The following COL9A1 variants were observed in gnomAD, a reference collection of about 807,000 sequenced individuals.
COL9A1 encodes collagen type IX alpha 1 chain.
A neutral mutation model predicts 142.6 loss-of-function variants in COL9A1; 104 were observed. The ratio of observed to expected loss-of-function variants is 0.73; its 90% CI spans 0.62 to 0.86. COL9A1 has a LOEUF of 0.86. Ranked by LOEUF, COL9A1 falls within the 40% of genes least tolerant of loss-of-function variation. COL9A1 has a pLI of 0.00. For synonymous variants in COL9A1, 466 were observed against 396.0 expected (o/e 1.18, Z -2.10); for missense variants, 1,210 against 1,176.6 (o/e 1.03, Z -0.42).
rs11753777 is a variant in COL9A1 at position 70,234,729 on chromosome 6, G to T, written c.2259+65C>A. 40 of 1,608,662 alleles carry T rather than the reference G, an allele frequency of 2.5e-5. No homozygotes were observed. The South Asian group carries it at 4.0e-4, about 16-fold the overall frequency. ...GAACTTGTTGAGAAGCTGATGCCTAGAACAGCCCTGCTGCTGTGGGATGGA... is the reference window on the plus strand; with the variant it reads ...GAACTTGTTGAGAAGCTGATGCCTATAACAGCCCTGCTGCTGTGGGATGGA... On this transcript the variant is annotated intron_variant, in intron 34 of 37. Coordinates refer to ENST00000357250, the MANE Select transcript of COL9A1 (RefSeq NM_001851.6).
At chr6:70,270,116 C>A (rs909483800) in intron 15 of COL9A1, among the ~76,000 whole-genome samples, 198 bp downstream of exon 15, 3 of 152,152 alleles carry the variant, frequency 2.0e-5, no homozygotes, top group Admixed American at 1.3e-4. Flanking sequence ...CCTATAAAAA[C>A]CACCTTTTAA....
downstream of COL9A1, chr6:70,215,937 ACATACG>A (rs1768475510): frequency 6.6e-6 from 1 of 151,980 alleles, no homozygotes; most frequent in African/African-American, 2.4e-5. Flanking sequence ...ACACACACAC[ACATACG>A]CATCTGTCAC....
chr6:70,227,629 G>T (rs1014577589), intron 36 of COL9A1, among the ~76,000 whole-genome samples: 3 of 151,926 alleles, frequency 2.0e-5, no homozygotes, highest in Non-Finnish European at 4.4e-5. Flanking sequence ...CTACTTCTAG[G>T]AATTTATCAT....
chr6:70,246,219 G>A (rs181316756), intron 28 of COL9A1: 31 of 152,192 alleles, frequency 2.0e-4, no homozygotes, highest in Non-Finnish European at 4.0e-4. Flanking sequence ...AATTAGCTAG[G>A]CATCATGGCG....
chr6:70,280,623 C>G lies in COL9A1; in HGVS notation c.975+189G>C. ...GCCTCCTAGAGAGAGGTATCCTCAC[C>G]TTCACAAGTCCTTTTGCAAAAGCTG... On this transcript the variant is annotated intron_variant, in intron 10 of 37. Transcript: ENST00000357250. 7.7e-6 allele frequency: 10 copies of G among 1,295,814 alleles called. No individual in the cohort carries two copies. In the South Asian group the frequency reaches 1.2e-4, roughly 16 times the overall value. 80.3% of individuals were successfully genotyped at this position (1,295,814 alleles called of 1,614,324 possible). A position where few individuals can be genotyped will look rare whatever the true frequency, so the allele number is the denominator to read the frequency against.
intron 2 of COL9A1, among the ~76,000 whole-genome samples, chr6:70,301,507 G>A (rs1159593112): frequency 1.3e-5 from 2 of 152,328 alleles, no homozygotes; most frequent in African/African-American, 4.8e-5. Context: ...AACCTGGGAG[G>A]CGGAGGTTGC....
chr6:70,252,028 C>G, intron 28 of COL9A1, 92 bp downstream of exon 28: 2 of 1,294,950 alleles, frequency 1.5e-6, no homozygotes, highest in South Asian at 2.4e-5. Context: ...AAACATCAGA[C>G]AGCATTCATG....
At chr6:70,243,717 CG>C (rs1770417216) in intron 28 of COL9A1, among the ~76,000 whole-genome samples, 1 of 151,932 alleles carries the variant, frequency 6.6e-6, no homozygotes, top group African/African-American at 2.4e-5. Context: ...TAGTAGAGAC[CG>C]GGTTTCGCCA....
chr6:70,281,336 G>T, intron 8 of COL9A1, 54 bp downstream of exon 8: 1 of 1,544,114 alleles, frequency 6.5e-7, no homozygotes, highest in Non-Finnish European at 8.9e-7. Context: ...CCTGGGAAAA[G>T]AATAGGAAAG....
In COL9A1 at chr6:70,271,676, C is replaced by A. The variant is rs745911680; in HGVS notation, c.1122G>T (p.Glu374Asp). The A allele has an allele frequency of 1.2e-6, 2 of 1,613,958 alleles. No individual in the cohort carries two copies. Among genetic ancestry groups the A allele is most frequent in the Non-Finnish European group, 8.5e-7 (1 of 1,179,852 alleles). Residue 374 changes from glutamate to aspartate, a missense_variant, in exon 14 of 38, where the codon GAG (glutamate) becomes GAT (aspartate). Glu to Asp is a conservative substitution (Grantham distance 45). Coordinates refer to ENST00000357250, the MANE Select transcript of COL9A1 (RefSeq NM_001851.6). Reference sequence around the variant, plus strand: ...TCACAACAGGTCCTACACGGCCAAGCTCTCCAGGGAGTCCTGCTGTCCCAG... The same window carrying A: ...TCACAACAGGTCCTACACGGCCAAGATCTCCAGGGAGTCCTGCTGTCCCAG... The part of the protein sequence containing the change: ...GPPGTAGLPG[E>D]LGRVGPVGDP...
In COL9A1 at chr6:70,300,304, C is replaced by T. The variant is rs544432669; in HGVS notation, c.166+5G>A. The T allele has an allele frequency of 3.0e-5, 48 of 1,612,352 alleles. No individual in the cohort carries two copies. In the East Asian group the frequency reaches 7.8e-4, roughly 26 times the overall value. On this transcript the variant is annotated splice_donor_5th_base_variant and intron_variant, in intron 3 of 37. Coordinates refer to ENST00000357250, the MANE Select transcript of COL9A1 (RefSeq NM_001851.6). ...GCATTTTCAATAGGGTACATTGCTA[C>T]TCACCTGGTAAGTCATCTTGGCCAA...
At chr6:70,300,977 G>A (rs896067372) in intron 2 of COL9A1, among the ~76,000 whole-genome samples, 1 of 152,010 alleles carries the variant, frequency 6.6e-6, no homozygotes, top group African/African-American at 2.4e-5. Flanking sequence ...AAAATATAGA[G>A]GATGGATTTG....
chr6:70,260,844 A>G lies in COL9A1; in HGVS notation c.1396-134T>C, dbSNP rs965347757. The G allele has an allele frequency of 1.1e-4, 80 of 717,248 alleles. 3 individuals are homozygous for G. The highest frequency in any genetic ancestry group is 7.2e-5 in the South Asian group (4 of 55,436). The allele number at this position is 717,248 out of a possible 1,614,324, so 44.4% of individuals were successfully genotyped here. ...ATACCAAGAAATAGTAACTATATATATATAGACAAACATTTCTAGTTTAGA... is the reference window on the plus strand; with the variant it reads ...ATACCAAGAAATAGTAACTATATATGTATAGACAAACATTTCTAGTTTAGA... On this transcript the variant is annotated intron_variant, in intron 19 of 37. Coordinates refer to ENST00000357250, the MANE Select transcript of COL9A1 (RefSeq NM_001851.6).
At chr6:70,242,334 C>G (rs988849347) in intron 29 of COL9A1, among the ~76,000 whole-genome samples, 3 of 152,136 alleles carry the variant, frequency 2.0e-5, no homozygotes, top group African/African-American at 7.2e-5. Context: ...CGCTGCTGCT[C>G]CTCTAGCTAT....
At chr6:70,287,124 C>G (rs1326547252) in intron 5 of COL9A1, among the ~76,000 whole-genome samples, 1 of 151,952 alleles carries the variant, frequency 6.6e-6, no homozygotes, top group Non-Finnish European at 1.5e-5. Flanking sequence ...ATGGGTGGGG[C>G]CCTGAAGCCC....
intron 19 of COL9A1, 114 bp from the exon 20 acceptor site, chr6:70,260,824 A>G (rs1771632938): frequency 9.1e-6 from 8 of 883,288 alleles, no homozygotes; most frequent in East Asian, 2.8e-5. Flanking sequence ...AGGTAATACC[A>G]AGAAATAGTA....
intron 37 of COL9A1, among the ~76,000 whole-genome samples, chr6:70,225,506 C>A (rs769626153): frequency 6.6e-6 from 1 of 151,582 alleles, no homozygotes; most frequent in South Asian, 2.1e-4. Context: ...GAAAGGGGAG[C>A]TTTAAAAATA....
intron 36 of COL9A1, among the ~76,000 whole-genome samples, chr6:70,229,172 G>A (rs562026379): frequency 6.6e-6 from 1 of 152,202 alleles, no homozygotes; most frequent in East Asian, 1.9e-4. Context: ...GTTTTAAGAT[G>A]AGCTCCAAAA....
At chr6:70,294,868 T>A (rs911046556) in intron 4 of COL9A1, among the ~76,000 whole-genome samples, 5 of 152,212 alleles carry the variant, frequency 3.3e-5, no homozygotes, top group African/African-American at 1.2e-4. Flanking sequence ...AAAGAGCTAC[T>A]GTTCAGCAAT....
Sources: gnomAD v4.1 joint callset for allele counts (sites outside exome capture counted in the v4.1 genomes callset) on GRCh38, gnomAD v4.1.1 for gene constraint, MANE v1.5 for transcripts, NCBI Gene and HGNC (gene_info 2026-07-23, HGNC 2026-07-21) for gene names.